The following CHRM3 variants were observed in gnomAD, a reference collection of about 807,000 sequenced individuals.
The protein encoded by CHRM3 is muscarinic acetylcholine receptor M3.
A neutral mutation model predicts 41.8 loss-of-function variants in CHRM3; 11 were observed. The ratio of observed to expected loss-of-function variants is 0.26; its 90% CI spans 0.17 to 0.44. The LOEUF (loss-of-function observed/expected upper bound fraction) is 0.44, where lower values mean the gene tolerates loss of function less well. CHRM3 is among the 20% of genes least tolerant of loss of function. The probability of loss-of-function intolerance (pLI) is 1.00; values close to 1 mark genes in which losing one functional copy is unlikely to be tolerated. For synonymous variants in CHRM3, 297 were observed against 301.4 expected, an observed-to-expected ratio of 0.99 and a Z score of 0.15; for missense variants, 571 against 745.4, an observed-to-expected ratio of 0.77 and a Z score of 2.72.
chr1:239,814,490 C>T (rs905769423), intron 5 of CHRM3, among the ~76,000 whole-genome samples: 2 of 152,174 alleles, frequency 1.3e-5, no homozygotes, highest in Non-Finnish European at 2.9e-5. Flanking sequence ...GCCCTCACCA[C>T]GGGAGGAAAT....
In CHRM3 at chr1:239,912,019, C is replaced by G. The variant is rs553886525; in HGVS notation, c.*2795C>G. 6.0e-6 allele frequency: 1 copy of G among 167,032 alleles called. No homozygotes were observed. The highest frequency in any genetic ancestry group is 2.4e-5 in the African/African-American group (1 of 41,436). 10.3% of individuals were successfully genotyped at this position (167,032 alleles called of 1,614,324 possible). A position where few individuals can be genotyped will look rare whatever the true frequency, so the allele number is the denominator to read the frequency against. On this transcript the variant is annotated 3_prime_UTR_variant, in exon 7 of 7. Transcript: ENST00000676153. The stretch of plus-strand genomic sequence containing the variant: ...AATGTCTTCATCCCAAATTGGGAAT[C>G]GAATTATTTCATGCCATATGCATGA...
At chr1:239,576,154 G>A (rs572672273) in intron 3 of CHRM3, among the ~76,000 whole-genome samples, 4 of 152,046 alleles carry the variant, frequency 2.6e-5, no homozygotes, top group African/African-American at 9.6e-5. Flanking sequence ...AATATTTCTC[G>A]TTTTTAAGGT....
intron 5 of CHRM3, among the ~76,000 whole-genome samples, chr1:239,742,609 C>T (rs966489624): frequency 1.1e-4 from 16 of 152,074 alleles, no homozygotes; most frequent in Non-Finnish European, 2.2e-4. Flanking sequence ...CAAGTCACAC[C>T]GCCAGCCCCA....
intron 6 of CHRM3, among the ~76,000 whole-genome samples, chr1:239,830,724 C>A (rs1432858082): frequency 1.3e-5 from 2 of 152,114 alleles, no homozygotes; most frequent in African/African-American, 4.8e-5. Context: ...ACCAAAGTTG[C>A]TTACAAGAAA....
chr1:239,643,608 T>A (rs182178812), intron 4 of CHRM3, among the ~76,000 whole-genome samples: 131 of 152,332 alleles, frequency 8.6e-4, no homozygotes, highest in Non-Finnish European at 1.4e-3. Flanking sequence ...TGCCCTTTTT[T>A]AAACCCGTCG....
At chr1:239,877,982 C>T (rs1677256006) in intron 6 of CHRM3, among the ~76,000 whole-genome samples, 1 of 151,458 alleles carries the variant, frequency 6.6e-6, no homozygotes, top group Non-Finnish European at 1.5e-5. Flanking sequence ...GCTCTGCCTC[C>T]CAGGTTCATG....
At chr1:239,760,136 A>G (rs1249886141) in intron 5 of CHRM3, among the ~76,000 whole-genome samples, 1 of 151,004 alleles carries the variant, frequency 6.6e-6, no homozygotes, top group East Asian at 2.0e-4. Context: ...CGTGTTAGCC[A>G]GGATGGTCTC....
At chr1:239,407,648 A>C (rs1660719073) in intron 1 of CHRM3, among the ~76,000 whole-genome samples, 1 of 152,104 alleles carries the variant, frequency 6.6e-6, no homozygotes, top group African/African-American at 2.4e-5. Flanking sequence ...ACTCACAATA[A>C]ATTATAGCGT....
intron 4 of CHRM3, among the ~76,000 whole-genome samples, chr1:239,661,688 G>A (rs190267725): frequency 3.9e-5 from 6 of 152,176 alleles, no homozygotes; most frequent in Admixed American, 1.3e-4. Flanking sequence ...TGGAGCATGC[G>A]GTATTTTTAA....
chr1:239,867,248 A>G (rs1285344921), intron 6 of CHRM3, among the ~76,000 whole-genome samples: 1 of 152,242 alleles, frequency 6.6e-6, no homozygotes, highest in Non-Finnish European at 1.5e-5. Flanking sequence ...TTAAATGAAG[A>G]TTGTGCTGAG....
intron 5 of CHRM3, among the ~76,000 whole-genome samples, chr1:239,806,628 A>G (rs2148954245): frequency 6.6e-6 from 1 of 152,350 alleles, no homozygotes; most frequent in South Asian, 2.1e-4. Flanking sequence ...CCATACAGGC[A>G]GGGCTTCCTC....
chr1:239,657,158 C>G (rs1672788796), intron 4 of CHRM3, among the ~76,000 whole-genome samples: 1 of 152,136 alleles, frequency 6.6e-6, no homozygotes, highest in African/African-American at 2.4e-5. Flanking sequence ...CATACCATTT[C>G]AAATCCAGTA....
intron 1 of CHRM3, among the ~76,000 whole-genome samples, chr1:239,390,199 A>G (rs1458861745): frequency 6.6e-6 from 1 of 152,210 alleles, no homozygotes; most frequent in Non-Finnish European, 1.5e-5. Flanking sequence ...GTTTACTTTT[A>G]AAAGTTAATC....
chr1:239,487,172 T>C (rs1667231849), intron 1 of CHRM3, among the ~76,000 whole-genome samples: 1 of 152,092 alleles, frequency 6.6e-6, no homozygotes, highest in South Asian at 2.1e-4. Flanking sequence ...GGAGGAGAAG[T>C]CCCTTGTTTA....
At chr1:239,591,913 C>T (rs1664199860) in intron 3 of CHRM3, among the ~76,000 whole-genome samples, 1 of 152,116 alleles carries the variant, frequency 6.6e-6, no homozygotes, top group Non-Finnish European at 1.5e-5. Context: ...ACATGGGAGA[C>T]ATTTGGTTGG....
intron 1 of CHRM3, among the ~76,000 whole-genome samples, chr1:239,462,453 A>T (rs115731690): frequency 0.026 from 3,907 of 152,270 alleles, 83 homozygotes; most frequent in Non-Finnish European, 0.041. Context: ...GCCAGAACAT[A>T]AATACTTTTC....
intron 5 of CHRM3, among the ~76,000 whole-genome samples, chr1:239,743,777 CTTTTTTTTTTCT>C (rs1361992655): frequency 4.9e-5 from 6 of 122,520 alleles, no homozygotes; most frequent in Admixed American, 8.3e-5. Context: ...TTTTCTTTTT[CTTTTTTTTTTCT>C]TTTTTTTTTT....
intron 5 of CHRM3, among the ~76,000 whole-genome samples, chr1:239,765,689 A>AT (rs1257432146): frequency 3.3e-5 from 5 of 152,152 alleles, no homozygotes; most frequent in African/African-American, 1.2e-4. Context: ...GTAAGAATGT[A>AT]TGGATACGTT....
At chr1:239,788,979 G>A (rs1669129334) in intron 5 of CHRM3, among the ~76,000 whole-genome samples, 1 of 152,130 alleles carries the variant, frequency 6.6e-6, no homozygotes, top group Non-Finnish European at 1.5e-5. Context: ...GATTAAAACA[G>A]CATTATCTTA....
Sources: gnomAD v4.1 joint callset for allele counts (sites outside exome capture counted in the v4.1 genomes callset) on GRCh38, gnomAD v4.1.1 for gene constraint, MANE v1.5 for transcripts, NCBI Gene and HGNC (gene_info 2026-07-23, HGNC 2026-07-21) for gene names.